Variants in SLC9A8 observed in about 807,000 individuals in gnomAD.
SLC9A8 encodes solute carrier family 9 member A8, also known as sodium/hydrogen exchanger 8.
In SLC9A8, 48 loss-of-function variants were observed where a neutral mutation model predicts 66.6. The observed-to-expected ratio is 0.72, with a 90% CI of 0.57 to 0.92. The LOEUF is 0.92. SLC9A8 is among the 40% of genes least tolerant of loss of function. The pLI, the probability that SLC9A8 is intolerant of heterozygous loss-of-function variation, is 0.00. For missense variants in SLC9A8, 599 were observed against 747.3 expected, an observed-to-expected ratio of 0.80 and a Z score of 2.31; for synonymous variants, 274 against 282.6, an observed-to-expected ratio of 0.97 and a Z score of 0.31.
chr20:49,856,336 C>T lies in SLC9A8; in HGVS notation c.713+755C>T, dbSNP rs2088482580. Among the ~76,000 whole-genome samples, 3 of 152,108 alleles carry T rather than the reference C, an allele frequency of 2.0e-5. No individual in the cohort carries two copies. The South Asian group carries it at 6.2e-4, about 32-fold the overall frequency. On this transcript the variant is annotated intron_variant, in intron 8 of 15. Coordinates refer to ENST00000361573, the MANE Select transcript of SLC9A8 (RefSeq NM_015266.3). Reference sequence around the variant, plus strand: ...GCAACAAAAGCAATAGACAGAGGCCCCACTAGCTGATGCATGTCACCTTCC... The same window carrying T: ...GCAACAAAAGCAATAGACAGAGGCCTCACTAGCTGATGCATGTCACCTTCC...
At chr20:49,821,160 T>A (rs1233442238) in intron 2 of SLC9A8, among the ~76,000 whole-genome samples, 7 of 152,374 alleles carry the variant, frequency 4.6e-5, no homozygotes, top group Admixed American at 4.6e-4. Flanking sequence ...CTCTTTCTGT[T>A]AATAGTTTCC....
chr20:49,870,725 A>G (rs945672817), intron 10 of SLC9A8, among the ~76,000 whole-genome samples: 1 of 152,180 alleles, frequency 6.6e-6, no homozygotes, highest in Non-Finnish European at 1.5e-5. Flanking sequence ...TTTTTGAGAC[A>G]GGATCATGCT....
intron 10 of SLC9A8, among the ~76,000 whole-genome samples, chr20:49,866,635 T>C (rs1404809214): frequency 6.6e-6 from 1 of 152,170 alleles, no homozygotes; most frequent in East Asian, 1.9e-4. Context: ...GTTTTTTGGG[T>C]TTATAGTTTA....
chr20:49,857,200 T>C (rs2088532067), intron 8 of SLC9A8, among the ~76,000 whole-genome samples: 1 of 152,122 alleles, frequency 6.6e-6, no homozygotes, highest in Non-Finnish European at 1.5e-5. Flanking sequence ...CCCCGGATAA[T>C]GTATCAAAAA....
intron 10 of SLC9A8, among the ~76,000 whole-genome samples, chr20:49,867,403 G>A (rs2089019214): frequency 6.6e-6 from 1 of 152,106 alleles, no homozygotes; most frequent in Admixed American, 6.5e-5. Flanking sequence ...GGTGTCTCAG[G>A]TACCGTGAGC....
In SLC9A8 at chr20:49,884,223, C is replaced by CACACACACACACACG. The variant is rs2089747171; in HGVS notation, c.1491+171_1491+172insGACACACACACACAC. Reference sequence around the variant, plus strand: ...CGACACACACACACACACACACACACACACACACACACACACACGACACAC... The same window carrying CACACACACACACACG: ...CGACACACACACACACACACACACACACACACACACACACGACACACACACACACACACGACACAC... On this transcript the variant is annotated intron_variant, in intron 14 of 15. Transcript: ENST00000361573. The CACACACACACACACG allele has an allele frequency of 2.0e-3, 487 of 243,014 alleles. 1 individual carries two copies. Among genetic ancestry groups the CACACACACACACACG allele is most frequent in the South Asian group, 3.3e-3 (87 of 26,234 alleles). The allele number at this position is 243,014 out of a possible 1,614,324, so 15.1% of individuals were successfully genotyped here.
At chr20:49,824,562 C>A (rs1468374060) in intron 3 of SLC9A8, among the ~76,000 whole-genome samples, 7 of 152,188 alleles carry the variant, frequency 4.6e-5, no homozygotes, top group African/African-American at 1.7e-4. Context: ...ATATTATACA[C>A]ATGAAAATTA....
intron 3 of SLC9A8, among the ~76,000 whole-genome samples, chr20:49,834,139 G>GTCTGTC (rs2087327235): frequency 1.5e-5 from 1 of 65,410 alleles, no homozygotes; most frequent in African/African-American, 7.7e-5. Context: ...ATATTAGCTT[G>GTCTGTC]TCTCTCTCTC....
chr20:49,855,373 A>G (rs2088431196), intron 7 of SLC9A8, 65 bp from the exon 8 acceptor site: 2 of 1,503,520 alleles, frequency 1.3e-6, no homozygotes, highest in South Asian at 2.3e-5. Flanking sequence ...TTTGACTTTA[A>G]TGCTTTAATA....
At chr20:49,864,668 C>T (rs1197973824) in intron 9 of SLC9A8, 71 bp from the exon 10 acceptor site, 10 of 975,886 alleles carry the variant, frequency 1.0e-5, no homozygotes, top group South Asian at 3.9e-5. Context: ...TGGAAAGCAG[C>T]AGTTTTGTGA....
At chr20:49,849,205 A>G (rs541035030) in intron 5 of SLC9A8, among the ~76,000 whole-genome samples, 145 of 152,266 alleles carry the variant, frequency 9.5e-4, no homozygotes, top group African/African-American at 3.2e-3. Flanking sequence ...CAGGAGTCGA[A>G]TCATTCAGGG....
Position 49,887,964 on chromosome 20 carries a change from A to G in SLC9A8, c.*28A>G. 1.3e-6 allele frequency: 2 copies of G among 1,581,348 alleles called. No homozygotes were observed. The highest frequency in any genetic ancestry group is 2.2e-5 in the East Asian group (1 of 44,756). ...CCAGGTGCCAAGGCTTCAGGCAGGC[A>G]GGCCCAGGATGGGCGTTTGCTGCGC... On this transcript the variant is annotated 3_prime_UTR_variant, in exon 16 of 16. Coordinates refer to ENST00000361573, the MANE Select transcript of SLC9A8 (RefSeq NM_015266.3).
intron 8 of SLC9A8, among the ~76,000 whole-genome samples, chr20:49,859,767 T>G (rs2088659302): frequency 6.6e-6 from 1 of 152,184 alleles, no homozygotes; most frequent in Non-Finnish European, 1.5e-5. Context: ...GTTCTTAAAG[T>G]CACTGCTGTA....
chr20:49,885,966 GCGGT>G (rs1173844467), intron 14 of SLC9A8, among the ~76,000 whole-genome samples: 1 of 152,236 alleles, frequency 6.6e-6, no homozygotes, highest in Non-Finnish European at 1.5e-5. Flanking sequence ...GCAGGTGGCT[GCGGT>G]GGGCTCAGTA....
At chr20:49,857,632 C>T (rs1368335152) in intron 8 of SLC9A8, among the ~76,000 whole-genome samples, 3 of 152,162 alleles carry the variant, frequency 2.0e-5, no homozygotes, top group Admixed American at 6.5e-5. Context: ...GCAGGAGAAT[C>T]GCTTGAACCT....
chr20:49,876,384 G>T (rs1402667663), intron 11 of SLC9A8, among the ~76,000 whole-genome samples: 1 of 152,160 alleles, frequency 6.6e-6, no homozygotes, highest in African/African-American at 2.4e-5. Flanking sequence ...TGGCCTTGGC[G>T]TGTGGAAAAC....
intron 13 of SLC9A8, among the ~76,000 whole-genome samples, 182 bp from the exon 14 acceptor site, chr20:49,883,664 T>C (rs562578926): frequency 2.0e-5 from 3 of 152,256 alleles, no homozygotes; most frequent in East Asian, 3.9e-4. Context: ...GAGTCTGTGG[T>C]CCCATCTCTG....
At chr20:49,866,295 G>A (rs536449326) in intron 10 of SLC9A8, among the ~76,000 whole-genome samples, 1 of 152,320 alleles carries the variant, frequency 6.6e-6, no homozygotes, top group African/African-American at 2.4e-5. Context: ...CAGTTTGTCT[G>A]TTCATCATTT....
At chr20:49,842,059 A>ATTT (rs201138846) in intron 4 of SLC9A8, among the ~76,000 whole-genome samples, 15 of 142,370 alleles carry the variant, frequency 1.1e-4, no homozygotes, top group South Asian at 2.3e-4. Context: ...ATTTTATTTT[A>ATTT]TTTTTTTTTT....
Sources: gnomAD v4.1 joint callset for allele counts (sites outside exome capture counted in the v4.1 genomes callset) on GRCh38, gnomAD v4.1.1 for gene constraint, MANE v1.5 for transcripts, NCBI Gene and HGNC (gene_info 2026-07-23, HGNC 2026-07-21) for gene names.